The following GIPC2 variants were observed in gnomAD, a reference collection of about 807,000 sequenced individuals.
The protein encoded by GIPC2 is PDZ domain-containing protein GIPC2.
Under a neutral mutation model 30.6 loss-of-function variants are expected in GIPC2, and 30 were observed. The observed-to-expected ratio is 0.98, with a 90% CI of 0.73 to 1.33. The LOEUF is 1.33. GIPC2 is among the 40% of genes most tolerant of loss of function. GIPC2 has a pLI of 0.00. For synonymous variants in GIPC2, 167 were observed against 150.0 expected (o/e 1.11, Z -0.83); for missense variants, 414 against 390.3 (o/e 1.06, Z -0.51).
intron 3 of GIPC2, among the ~76,000 whole-genome samples, chr1:78,117,506 C>A (rs1410536781): frequency 6.6e-6 from 1 of 152,198 alleles, no homozygotes; most frequent in African/African-American, 2.4e-5. Flanking sequence ...AATGTACAAC[C>A]TAGATCCCTC....
chr1:78,119,430 A>G lies in GIPC2; in HGVS notation c.645A>G (p.Gly215=), dbSNP rs1260159332. 1 of 1,612,656 alleles carries G rather than the reference A, an allele frequency of 6.2e-7. No individual in the cohort carries two copies. Among genetic ancestry groups the G allele is most frequent in the Non-Finnish European group, 8.5e-7 (1 of 1,178,856 alleles). Residue 215 remains glycine, a synonymous_variant, in exon 4 of 6, where the codon GGA becomes GGG. Coordinates refer to ENST00000370759, the MANE Select transcript of GIPC2 (RefSeq NM_017655.6). ...ELRSKAGKSS[G]EKIGCGRATL... is the part of the protein sequence containing the mutation. ...GGTCAAAGGCTGGAAAGTCATCAGG[A>G]GAAAAAATTGGTTGTGGAAGGGCAA...
Position 78,076,490 on chromosome 1 carries a change from G to A in GIPC2, c.241-4185G>A, listed in dbSNP as rs1332580463. ...GAAACTGTTCCACCTCAGATCATCA[G>A]GCATTAGATTATCATAAGGTGCAGG... On this transcript the variant is annotated intron_variant, in intron 1 of 5. Transcript: ENST00000370759. Among the ~76,000 whole-genome samples, 3 of 152,326 alleles carry A rather than the reference G, an allele frequency of 2.0e-5. No homozygotes were observed. In the East Asian group the frequency reaches 5.8e-4, roughly 29 times the overall value.
At chr1:78,051,666 A>G (rs1005759484) in intron 1 of GIPC2, among the ~76,000 whole-genome samples, 2 of 151,996 alleles carry the variant, frequency 1.3e-5, no homozygotes, top group Non-Finnish European at 2.9e-5. Flanking sequence ...TGCCCAGCTA[A>G]TTTTTGTATT....
intron 1 of GIPC2, among the ~76,000 whole-genome samples, chr1:78,047,874 C>G (rs982345213): frequency 1.3e-5 from 2 of 150,584 alleles, no homozygotes; most frequent in African/African-American, 4.9e-5. Context: ...ACATACCTAG[C>G]AAAAAAAAAC....
intron 1 of GIPC2, among the ~76,000 whole-genome samples, chr1:78,056,049 C>T (rs1661289248): frequency 6.6e-6 from 1 of 152,208 alleles, no homozygotes; most frequent in South Asian, 2.1e-4. Context: ...TCCCCACTAC[C>T]TCAGGACTGG....
chr1:78,098,496 T>G (rs114638587), intron 3 of GIPC2, among the ~76,000 whole-genome samples: 101 of 152,338 alleles, frequency 6.6e-4, no homozygotes, highest in African/African-American at 2.4e-3. Context: ...TTAAATTATC[T>G]ATCTCACAAA....
At chr1:78,128,553 C>T (rs553579435) in intron 5 of GIPC2, among the ~76,000 whole-genome samples, 11 of 152,234 alleles carry the variant, frequency 7.2e-5, no homozygotes, top group African/African-American at 2.2e-4. Context: ...AATGTTTATT[C>T]GTACAACAGT....
upstream of GIPC2, among the ~76,000 whole-genome samples, chr1:78,045,303 G>A (rs1022575109): frequency 6.6e-6 from 1 of 152,168 alleles, no homozygotes; most frequent in African/African-American, 2.4e-5. Context: ...AGTTGGAGGG[G>A]ACTGGACTTG....
chr1:78,086,104 A>G (rs1262938290), intron 2 of GIPC2, among the ~76,000 whole-genome samples: 2 of 152,142 alleles, frequency 1.3e-5, no homozygotes, highest in Admixed American at 6.5e-5. Flanking sequence ...TCAGTGTCCC[A>G]GAGATTCTGG....
At chr1:78,126,273 A>T (rs932036711) in intron 5 of GIPC2, among the ~76,000 whole-genome samples, 1 of 152,338 alleles carries the variant, frequency 6.6e-6, no homozygotes, top group Middle Eastern at 3.4e-3. Flanking sequence ...TAGATGATAC[A>T]TATAAAAGGC....
rs139934077 is a variant in GIPC2 at position 78,087,119 on chromosome 1, A to G, written c.426+6259A>G. Among the ~76,000 whole-genome samples the G allele has an allele frequency of 2.2e-3, 329 of 152,336 alleles. 1 individual carries two copies. Among genetic ancestry groups the G allele is most frequent in the African/African-American group, 7.6e-3 (318 of 41,572 alleles). ...AGACAAACACATGGAAAAATATCCC[A>G]TGCTTGTGGATAGGAAGGGTCAATA... On this transcript the variant is annotated intron_variant, in intron 2 of 5. Coordinates refer to ENST00000370759, the MANE Select transcript of GIPC2 (RefSeq NM_017655.6).
At chr1:78,133,750 TTGTGTGTG>T (rs3057089) in intron 5 of GIPC2, among the ~76,000 whole-genome samples, 40,799 of 145,822 alleles carry the variant, frequency 0.28, 6,014 homozygotes, top group East Asian at 0.72. Context: ...GAAAAAAAAA[TTGTGTGTG>T]TGTGTGTGTG....
At chr1:78,101,475 G>C (rs753236576) in intron 3 of GIPC2, among the ~76,000 whole-genome samples, 1 of 152,152 alleles carries the variant, frequency 6.6e-6, no homozygotes, top group Non-Finnish European at 1.5e-5. Flanking sequence ...AAATAAATAT[G>C]TGTATTTCAG....
rs1341644368 is a variant in GIPC2, at chr1:78,062,576, T to C, written c.240+16242T>C. Among the ~76,000 whole-genome samples the C allele has an allele frequency of 2.6e-5, 4 of 151,814 alleles. No homozygotes were observed. In the South Asian group the frequency reaches 6.3e-4, roughly 24 times the overall value. On this transcript the variant is annotated intron_variant, in intron 1 of 5. Transcript: ENST00000370759. ...AGACTGGAGTGCAGTGGCACCATCT[T>C]GGCCCACTGTAACCTCCACCTCCCA...
At chr1:78,111,011 G>A (rs1056990607) in intron 3 of GIPC2, among the ~76,000 whole-genome samples, 2 of 152,168 alleles carry the variant, frequency 1.3e-5, no homozygotes, top group South Asian at 4.1e-4. Flanking sequence ...TTGCTGGTGC[G>A]CACATCCTGC....
At chr1:78,110,383 C>A (rs1310488291) in intron 3 of GIPC2, among the ~76,000 whole-genome samples, 1 of 152,128 alleles carries the variant, frequency 6.6e-6, no homozygotes, top group East Asian at 1.9e-4. Flanking sequence ...AGAAATCACC[C>A]AATATTTAAA....
At chr1:78,126,778 G>C (rs142030685) in intron 5 of GIPC2, among the ~76,000 whole-genome samples, 2 of 152,268 alleles carry the variant, frequency 1.3e-5, no homozygotes, top group East Asian at 3.9e-4. Flanking sequence ...CATCCTCGTG[G>C]CATCAAGCAC....
chr1:78,116,413 T>A (rs1412353058), intron 3 of GIPC2, among the ~76,000 whole-genome samples: 1 of 152,178 alleles, frequency 6.6e-6, no homozygotes, highest in African/African-American at 2.4e-5. Context: ...CGTGCAGGTT[T>A]GTTACATATG....
At chr1:78,071,029 T>G (rs1661607907) in intron 1 of GIPC2, among the ~76,000 whole-genome samples, 1 of 152,194 alleles carries the variant, frequency 6.6e-6, no homozygotes, top group Admixed American at 6.5e-5. Context: ...GGTTTCTAAA[T>G]ATCTGTCTTG....
Sources: gnomAD v4.1 joint callset for allele counts (sites outside exome capture counted in the v4.1 genomes callset) on GRCh38, gnomAD v4.1.1 for gene constraint, MANE v1.5 for transcripts, NCBI Gene and HGNC (gene_info 2026-07-23, HGNC 2026-07-21) for gene names.